Variants in CATSPERE observed in about 807,000 individuals in gnomAD.
The protein encoded by CATSPERE is catsper channel auxiliary subunit epsilon, also known as cation channel sperm-associated auxiliary subunit epsilon.
A neutral mutation model predicts 114.1 loss-of-function variants in CATSPERE; 93 were observed. The ratio of observed to expected loss-of-function variants is 0.81; its 90% CI spans 0.69 to 0.97. CATSPERE has a LOEUF of 0.97. CATSPERE is among the 50% of genes least tolerant of loss of function. The probability of loss-of-function intolerance (pLI) is 0.00; values close to 1 mark genes in which losing one functional copy is unlikely to be tolerated. For missense variants in CATSPERE, 1,058 were observed against 1,131.6 expected (o/e 0.93, Z 0.93); for synonymous variants, 341 against 384.1 (o/e 0.89, Z 1.31).
intron 5 of CATSPERE, among the ~76,000 whole-genome samples, chr1:244,488,262 A>G (rs1450668844): frequency 6.6e-6 from 1 of 152,208 alleles, no homozygotes; most frequent in Non-Finnish European, 1.5e-5. Flanking sequence ...TCTTACTGTA[A>G]TACTTAATTT....
At chr1:244,624,128 ATTTTT>A (rs58744339) in intron 20 of CATSPERE, among the ~76,000 whole-genome samples, 6 of 125,944 alleles carry the variant, frequency 4.8e-5, no homozygotes, top group African/African-American at 1.5e-4. Context: ...TGCCCAGCTA[ATTTTT>A]TTTTTTTTTT....
At chr1:244,580,211 A>ATTTTT (rs747379847) in intron 11 of CATSPERE, among the ~76,000 whole-genome samples, 1 of 110,848 alleles carries the variant, frequency 9.0e-6, no homozygotes, top group Non-Finnish European at 2.0e-5. Context: ...TAATTTTTGT[A>ATTTTT]TTTTTTTTTT....
intron 11 of CATSPERE, among the ~76,000 whole-genome samples, chr1:244,578,679 G>GTCTC (rs916810480): frequency 1.4e-5 from 2 of 145,160 alleles, no homozygotes; most frequent in Non-Finnish European, 3.0e-5. Flanking sequence ...CTCTCTCTCT[G>GTCTC]TCTCTCTCTC....
rs59466928 is a variant in CATSPERE, at chr1:244,566,652, CTTTTTTTTTTTTTTT to C, written c.1507+5528_1507+5542del. 1.2e-3 allele frequency among the ~76,000 whole-genome samples: 59 copies of C among 49,108 alleles called. 1 individual carries two copies. Among genetic ancestry groups the C allele is most frequent in the African/African-American group, 1.8e-3 (41 of 22,358 alleles). 32.2% of individuals were successfully genotyped at this position (49,108 alleles called of 152,430 possible). A position where few individuals can be genotyped will look rare whatever the true frequency, so the allele number is the denominator to read the frequency against. On this transcript the variant is annotated intron_variant, in intron 10 of 21. Transcript: ENST00000366534. ...TCAGAGACTAGGATTGCAACCCCTG[CTTTTTTTTTTTTTTT>C]TTTTTTTTTTTTTTTTTTTTGCTTT...
intron 4 of CATSPERE, among the ~76,000 whole-genome samples, chr1:244,478,404 G>A (rs894938575): frequency 2.0e-5 from 3 of 152,140 alleles, no homozygotes; most frequent in African/African-American, 4.8e-5. Context: ...GAGGTTGAAC[G>A]TCTCTAGTTT....
chr1:244,514,737 G>A (rs1188911499), intron 7 of CATSPERE, among the ~76,000 whole-genome samples: 1 of 151,122 alleles, frequency 6.6e-6, no homozygotes, highest in Non-Finnish European at 1.5e-5. Flanking sequence ...GCTGAGGCAG[G>A]AGAATGGCAT....
chr1:244,478,755 C>T (rs58099814), intron 4 of CATSPERE, among the ~76,000 whole-genome samples: 2,978 of 152,160 alleles, frequency 0.02, 88 homozygotes, highest in African/African-American at 0.068. Flanking sequence ...CAATTCATGC[C>T]GGGCGCGGTG....
At chr1:244,532,607 C>T (rs1679784379) in intron 8 of CATSPERE, among the ~76,000 whole-genome samples, 1 of 152,110 alleles carries the variant, frequency 6.6e-6, no homozygotes, top group Non-Finnish European at 1.5e-5. Flanking sequence ...CTCTTAATTT[C>T]TTCACTGACC....
rs781503779 is a variant in CATSPERE, at chr1:244,477,629, A to G, written c.188+15A>G. The G allele has an allele frequency of 5.6e-6, 8 of 1,435,676 alleles. No homozygotes were observed. In the Admixed American group the frequency reaches 1.4e-4, roughly 24 times the overall value. 88.9% of individuals were successfully genotyped at this position (1,435,676 alleles called of 1,614,324 possible). ...CTAAATAAAAGGTAAGATTTATGCCATGAATATCAATGTATGTGTATATTT... is the reference window on the plus strand; with the variant it reads ...CTAAATAAAAGGTAAGATTTATGCCGTGAATATCAATGTATGTGTATATTT... On this transcript the variant is annotated intron_variant, in intron 3 of 21. Coordinates refer to ENST00000366534, the MANE Select transcript of CATSPERE (RefSeq NM_001130957.2).
intron 19 of CATSPERE, among the ~76,000 whole-genome samples, chr1:244,615,968 A>AG (rs1483114893): frequency 1.3e-5 from 2 of 151,186 alleles, no homozygotes; most frequent in African/African-American, 2.4e-5. Flanking sequence ...AAAAAAAAAA[A>AG]AAAGTAAAAA....
At position 244,531,679 on chromosome 1, in the gene CATSPERE, C is replaced by T. The variant is rs528543996; in HGVS notation, c.536+12981C>T. Among the ~76,000 whole-genome samples, 13 of 152,180 alleles carry T rather than the reference C, an allele frequency of 8.5e-5. No homozygotes were observed. The East Asian group carries it at 1.9e-3, about 23-fold the overall frequency. ...CATCCTTGCATCCCTTGGATAAATC[C>T]CACTTGGTCATAATGAATGATATTT... On this transcript the variant is annotated intron_variant, in intron 8 of 21. Transcript: ENST00000366534.
At chr1:244,581,272 T>C (rs1312836653) in intron 11 of CATSPERE, among the ~76,000 whole-genome samples, 1 of 152,192 alleles carries the variant, frequency 6.6e-6, no homozygotes, top group Non-Finnish European at 1.5e-5. Context: ...TGATATATTG[T>C]GTCACTCTGT....
chr1:244,635,649 G>A (rs1374871354), intron 21 of CATSPERE, 107 bp downstream of exon 21: 1 of 763,764 alleles, frequency 1.3e-6, no homozygotes, highest in African/African-American at 1.8e-5. Context: ...AGCAGCCTGT[G>A]CACTCACTTT....
chr1:244,574,562 T>G (rs1664957831), intron 11 of CATSPERE, among the ~76,000 whole-genome samples: 1 of 152,240 alleles, frequency 6.6e-6, no homozygotes, highest in Non-Finnish European at 1.5e-5. Context: ...ATGTTTGGCT[T>G]AGCTGTTTTG....
chr1:244,480,740 G>A (rs1390948819), intron 5 of CATSPERE, among the ~76,000 whole-genome samples: 2 of 152,210 alleles, frequency 1.3e-5, no homozygotes, highest in Non-Finnish European at 2.9e-5. Context: ...TAGATTGTAA[G>A]TCCTAATAAT....
At chr1:244,516,644 C>G (rs1676687809) in intron 7 of CATSPERE, among the ~76,000 whole-genome samples, 1 of 150,764 alleles carries the variant, frequency 6.6e-6, no homozygotes, top group Admixed American at 6.6e-5. Flanking sequence ...GCCTCAGCCT[C>G]CTGAGTAGCT....
At chr1:244,581,731 A>G (rs1666205491) in intron 11 of CATSPERE, 65 bp from the exon 12 acceptor site, 9 of 689,024 alleles carry the variant, frequency 1.3e-5, no homozygotes, top group South Asian at 6.4e-5. Context: ...GCCATATGCT[A>G]CTAAAGTGGG....
Position 244,575,333 on chromosome 1 carries a change from C to T in CATSPERE, c.1950+2561C>T, listed in dbSNP as rs568513301. On this transcript the variant is annotated intron_variant, in intron 11 of 21. Coordinates refer to ENST00000366534, the MANE Select transcript of CATSPERE (RefSeq NM_001130957.2). This position sits in a 1 kb window ranked among gnomAD's most constrained non-coding sequence, Gnocchi z 4.5. Reference sequence around the variant, plus strand: ...CTCTGCTCTCCTCCTGGCACCAGTCCTTGACCTCTTCTTCCACGCAGAGCC... The same window carrying T: ...CTCTGCTCTCCTCCTGGCACCAGTCTTTGACCTCTTCTTCCACGCAGAGCC... Among the ~76,000 whole-genome samples the T allele has an allele frequency of 5.3e-5, 8 of 152,320 alleles. No homozygotes were observed. The East Asian group carries it at 1.5e-3, about 29-fold the overall frequency.
chr1:244,498,959 T>G (rs1558378244), intron 6 of CATSPERE, 43 bp from the exon 7 acceptor site: 1 of 1,456,458 alleles, frequency 6.9e-7, no homozygotes, highest in Non-Finnish European at 9.6e-7. Context: ...AAAAAGAAAT[T>G]TGTACAAAAT....
Sources: gnomAD v4.1 joint callset for allele counts (sites outside exome capture counted in the v4.1 genomes callset) on GRCh38, gnomAD v4.1.1 for gene constraint, Gnocchi (gnomAD v3.1) non-coding constraint, MANE v1.5 for transcripts, NCBI Gene and HGNC (gene_info 2026-07-23, HGNC 2026-07-21) for gene names.